The following DTNB variants were observed in gnomAD, a reference collection of about 807,000 sequenced individuals.
DTNB encodes DTN-B.
A neutral mutation model predicts 90.7 loss-of-function variants in DTNB; 63 were observed. That is an observed-to-expected ratio of 0.69 (90% confidence interval 0.57 to 0.86). DTNB has a LOEUF of 0.86. DTNB is among the 40% of genes least tolerant of loss of function. The pLI, the probability that DTNB is intolerant of heterozygous loss-of-function variation, is 0.00. For synonymous variants in DTNB, 277 were observed against 286.7 expected (o/e 0.97, Z 0.34); for missense variants, 744 against 807.1 (o/e 0.92, Z 0.95).
intron 9 of DTNB, among the ~76,000 whole-genome samples, chr2:25,489,932 A>G (rs1300122671): frequency 1.3e-5 from 2 of 152,216 alleles, no homozygotes; most frequent in Non-Finnish European, 2.9e-5. Context: ...GGGTAAAGTA[A>G]AAATACATGT....
At chr2:25,516,718 C>A (rs947867843) in intron 9 of DTNB, among the ~76,000 whole-genome samples, 2 of 151,594 alleles carry the variant, frequency 1.3e-5, no homozygotes, top group African/African-American at 4.8e-5. Flanking sequence ...GGTGAAACCC[C>A]GTCTCTACTA....
At chr2:25,443,916 T>C (rs2057974073) in intron 12 of DTNB, among the ~76,000 whole-genome samples, 2 of 152,152 alleles carry the variant, frequency 1.3e-5, no homozygotes, top group Non-Finnish European at 1.5e-5. Context: ...TTAATTATAA[T>C]GGGCCATGAG....
intron 4 of DTNB, among the ~76,000 whole-genome samples, chr2:25,620,675 A>T (rs888468588): frequency 2.6e-5 from 4 of 152,160 alleles, no homozygotes; most frequent in Non-Finnish European, 4.4e-5. Context: ...AAGAGTAAGT[A>T]AGTGATGGAT....
chr2:25,577,770 A>G (rs1238465129), intron 7 of DTNB, among the ~76,000 whole-genome samples: 1 of 152,194 alleles, frequency 6.6e-6, no homozygotes, highest in Non-Finnish European at 1.5e-5. Context: ...TGGGAGGCCG[A>G]GGCGGGCAGA....
intron 8 of DTNB, among the ~76,000 whole-genome samples, chr2:25,544,335 A>T (rs559083747): frequency 1.3e-5 from 2 of 152,260 alleles, no homozygotes; most frequent in African/African-American, 4.8e-5. Context: ...CTTTTTCTTG[A>T]GCTCAGATTA....
intron 8 of DTNB, among the ~76,000 whole-genome samples, chr2:25,534,232 T>C (rs1350162366): frequency 1.3e-5 from 2 of 152,154 alleles, no homozygotes; most frequent in African/African-American, 2.4e-5. Flanking sequence ...CCTTCAAGCA[T>C]CTGTTTAACA....
intron 9 of DTNB, among the ~76,000 whole-genome samples, chr2:25,506,612 C>T (rs545202237): frequency 6.6e-6 from 1 of 152,270 alleles, no homozygotes; most frequent in South Asian, 2.1e-4. Flanking sequence ...TAAGTGAGAA[C>T]ATGAGGAAAT....
intron 9 of DTNB, among the ~76,000 whole-genome samples, chr2:25,504,298 A>C (rs1182377220): frequency 2.0e-5 from 3 of 150,170 alleles, no homozygotes; most frequent in African/African-American, 7.5e-5. Context: ...GAAGGAAAGA[A>C]AGAAGGAAAG....
At position 25,649,513 on chromosome 2, in the gene DTNB, G is replaced by A. The variant is rs184025325; in HGVS notation, c.67+3081C>T. Among the ~76,000 whole-genome samples, 14 of 152,226 alleles carry A rather than the reference G, an allele frequency of 9.2e-5. No homozygotes were observed. In the East Asian group the frequency reaches 1.5e-3, roughly 17 times the overall value. ...GAGGATCACTTGAGCCCAGGAGTTC[G>A]AGACCAGCCAGCCTGGGCACCATAG... On this transcript the variant is annotated intron_variant, in intron 2 of 20. Transcript: ENST00000406818.
chr2:25,517,814 C>T (rs141139485), intron 9 of DTNB, among the ~76,000 whole-genome samples: 9 of 152,214 alleles, frequency 5.9e-5, no homozygotes, highest in African/African-American at 2.2e-4. Context: ...ATCTTACCAA[C>T]GGTGGATGAA....
intron 9 of DTNB, among the ~76,000 whole-genome samples, chr2:25,514,974 C>T (rs944371710): frequency 1.3e-5 from 2 of 151,952 alleles, no homozygotes; most frequent in African/African-American, 4.8e-5. Flanking sequence ...TGAGTCACCG[C>T]GCCCAGCTGA....
At chr2:25,558,074 G>T in intron 8 of DTNB, 2 of 402,402 alleles carry the variant, frequency 5.0e-6, no homozygotes, top group Non-Finnish European at 6.7e-6. Context: ...GCAAGAGAAT[G>T]CCGGGGAGCA....
chr2:25,404,816 T>C (rs55655543), intron 16 of DTNB, among the ~76,000 whole-genome samples: 5 of 151,992 alleles, frequency 3.3e-5, no homozygotes, highest in African/African-American at 7.3e-5. Flanking sequence ...GATCGTGCCA[T>C]TGCACTCCAG....
At chr2:25,462,841 C>A (rs2061206824) in intron 10 of DTNB, among the ~76,000 whole-genome samples, 1 of 152,074 alleles carries the variant, frequency 6.6e-6, no homozygotes, top group Middle Eastern at 3.2e-3. Context: ...GTAGCTGGGA[C>A]TACAGGCGCC....
intron 5 of DTNB, among the ~76,000 whole-genome samples, chr2:25,603,275 C>G (rs1029977089): frequency 2.0e-5 from 3 of 152,130 alleles, no homozygotes; most frequent in African/African-American, 7.2e-5. Flanking sequence ...ATGGGCTTTA[C>G]AGTCTACAAA....
At chr2:25,440,955 A>C (rs1226088732) in intron 12 of DTNB, among the ~76,000 whole-genome samples, 2 of 152,180 alleles carry the variant, frequency 1.3e-5, no homozygotes, top group Admixed American at 1.3e-4. Flanking sequence ...ATTCACCTAC[A>C]GGCCTACCTT....
chr2:25,453,904 T>C (rs2059626753), intron 11 of DTNB, among the ~76,000 whole-genome samples: 1 of 152,128 alleles, frequency 6.6e-6, no homozygotes, highest in African/African-American at 2.4e-5. Context: ...TCCCAGCACT[T>C]TGGGAGGCTG....
chr2:25,568,607 T>C (rs1572707769), intron 8 of DTNB, among the ~76,000 whole-genome samples: 1 of 152,206 alleles, frequency 6.6e-6, no homozygotes, highest in South Asian at 2.1e-4. Context: ...CTTCAAAAAG[T>C]ATAATTTAGT....
chr2:25,407,265 A>T (rs1176444209), intron 16 of DTNB, among the ~76,000 whole-genome samples: 1 of 152,220 alleles, frequency 6.6e-6, no homozygotes, highest in Non-Finnish European at 1.5e-5. Context: ...GAAATATCCA[A>T]AAACAATATA....
Sources: gnomAD v4.1 joint callset for allele counts (sites outside exome capture counted in the v4.1 genomes callset) on GRCh38, gnomAD v4.1.1 for gene constraint, MANE v1.5 for transcripts, NCBI Gene and HGNC (gene_info 2026-07-23, HGNC 2026-07-21) for gene names.